The following PAX8 variants were observed in gnomAD, a reference collection of about 807,000 sequenced individuals.
PAX8 encodes the protein paired box 8.
PAX8 carries 15 observed loss-of-function variants against 52.4 expected under a neutral mutation model. The ratio of observed to expected loss-of-function variants is 0.29; its 90% confidence interval spans 0.19 to 0.44. The LOEUF (loss-of-function observed/expected upper bound fraction) is 0.44, where lower values mean the gene tolerates loss of function less well. Ranked by LOEUF, PAX8 falls within the 20% of genes least tolerant of loss-of-function variation. The probability of loss-of-function intolerance (pLI) is 1.00; values close to 1 mark genes in which losing one functional copy is unlikely to be tolerated. For synonymous variants in PAX8, 284 were observed against 249.7 expected (o/e 1.14, Z -1.29); for missense variants, 554 against 602.5 (o/e 0.92, Z 0.84).
chr2:113,218,589 A>G lies in PAX8; in HGVS notation c.1297T>C (p.Ser433Pro). The G allele has an allele frequency of 6.4e-7, 1 of 1,558,630 alleles. No individual in the cohort carries two copies. Among genetic ancestry groups the G allele is most frequent in the African/African-American group, 1.4e-5 (1 of 73,406 alleles). The part of the protein sequence containing the change: ...SLLSSPYYYS[S>P]TSRPSAPPTT... ...GGCGGTGCACTCGGCCTTGATGTGGAACTGTAATAATATGGGGAACCTGGA... is the reference window on the plus strand; with the variant it reads ...GGCGGTGCACTCGGCCTTGATGTGGGACTGTAATAATATGGGGAACCTGGA... The change falls in exon 12 of 12, where the codon TCC (serine) becomes CCC (proline). Residue 433 changes from serine (S) to proline (P), a missense_variant. Around this residue, in one of 2 missense-constraint regions of PAX8, gnomAD observed 445 missense variants for 409.9 expected, o/e 1.09. Transcript: ENST00000429538.
At position 113,231,798 on chromosome 2, in the gene PAX8, G is replaced by A. The variant is rs75476807; in HGVS notation, c.1087+3596C>T. 3.9e-5 allele frequency among the ~76,000 whole-genome samples: 6 copies of A among 152,174 alleles called. No homozygotes were observed. In the South Asian group the frequency reaches 1.2e-3, roughly 32 times the overall value. ...GGCTGGAGTGCAATGGCACGATCTC[G>A]GCTCACCGCAACCTCCGCCTCCTGG... On this transcript the variant is annotated intron_variant, in intron 9 of 11. Transcript: ENST00000429538.
chr2:113,272,887 G>A (rs1693558660), intron 2 of PAX8: 1 of 152,186 alleles, frequency 6.6e-6, no homozygotes, highest in Non-Finnish European at 1.5e-5. Flanking sequence ...TCTCTGAAGA[G>A]AATGAGGACC....
At chr2:113,263,958 G>T (rs1035176895) in intron 2 of PAX8, among the ~76,000 whole-genome samples, 4 of 152,046 alleles carry the variant, frequency 2.6e-5, no homozygotes, top group Admixed American at 1.3e-4. Context: ...AAGGAAGAAG[G>T]AGAGGAAAAA....
At chr2:113,226,278 G>C (rs1279486723) in intron 10 of PAX8, 1 of 985,338 alleles carries the variant, frequency 1.0e-6, no homozygotes, top group Non-Finnish European at 1.2e-6. Flanking sequence ...GGGCTGGCAT[G>C]GGGGTCACAG....
chr2:113,247,847 C>G (rs991825442), intron 2 of PAX8, among the ~76,000 whole-genome samples: 4 of 152,222 alleles, frequency 2.6e-5, no homozygotes, highest in African/African-American at 9.6e-5. Context: ...GGGTTTATTA[C>G]AGTGAGGTCC....
chr2:113,264,960 A>G (rs1692949442), intron 2 of PAX8, among the ~76,000 whole-genome samples: 1 of 152,224 alleles, frequency 6.6e-6, no homozygotes, highest in Non-Finnish European at 1.5e-5. Context: ...GAAATAGGCC[A>G]CGGAGGTAGG....
intron 2 of PAX8, among the ~76,000 whole-genome samples, chr2:113,261,379 CAG>C (rs1389406541): frequency 1.3e-5 from 2 of 152,162 alleles, no homozygotes; most frequent in Non-Finnish European, 2.9e-5. Flanking sequence ...GAAGCTGGTA[CAG>C]AGAGAGCTCT....
At chr2:113,238,667 C>A (rs1209235141) in intron 7 of PAX8, 1 of 152,184 alleles carries the variant, frequency 6.6e-6, no homozygotes, top group East Asian at 1.9e-4. Context: ...CGACTCTGAG[C>A]CCTGGTTCTG....
chr2:113,245,819 A>G (rs1691275062), intron 3 of PAX8, among the ~76,000 whole-genome samples: 1 of 152,172 alleles, frequency 6.6e-6, no homozygotes, highest in Admixed American at 6.5e-5. Flanking sequence ...TCCCTAGCCC[A>G]GCAAAGGATC....
At chr2:113,267,906 A>G (rs903671909) in intron 2 of PAX8, 1 of 152,206 alleles carries the variant, frequency 6.6e-6, no homozygotes, top group African/African-American at 2.4e-5. Flanking sequence ...GTAACTGGGT[A>G]TGACTGTGTG....
intron 2 of PAX8, among the ~76,000 whole-genome samples, chr2:113,257,169 C>T (rs1692323372): frequency 6.6e-6 from 1 of 152,168 alleles, no homozygotes; most frequent in Admixed American, 6.5e-5. Context: ...ATTGATTTCT[C>T]TTCTCTCTCT....
At chr2:113,236,846 T>C in intron 7 of PAX8, 125 bp from the exon 8 acceptor site, 1 of 1,083,304 alleles carries the variant, frequency 9.2e-7, no homozygotes. Context: ...CATCGCCCCC[T>C]TCTTCCTTTA....
chr2:113,252,912 G>C (rs556032003), intron 2 of PAX8, among the ~76,000 whole-genome samples: 203 of 152,286 alleles, frequency 1.3e-3, no homozygotes, highest in Non-Finnish European at 2.5e-3. Flanking sequence ...TTCTTCCCTT[G>C]ACCATGATAC....
chr2:113,260,126 C>T (rs940294195), intron 2 of PAX8, among the ~76,000 whole-genome samples: 2 of 152,118 alleles, frequency 1.3e-5, no homozygotes. Flanking sequence ...ATATTCCAGG[C>T]TGTGTGTATG....
intron 2 of PAX8, among the ~76,000 whole-genome samples, chr2:113,263,849 C>A (rs2104574802): frequency 6.6e-6 from 1 of 152,128 alleles, no homozygotes; most frequent in South Asian, 2.1e-4. Context: ...GATTCCAGGG[C>A]TCCATATTTG....
At chr2:113,270,661 G>C (rs867697363) in intron 2 of PAX8, 1 of 152,160 alleles carries the variant, frequency 6.6e-6, no homozygotes, top group Non-Finnish European at 1.5e-5. Flanking sequence ...AGTACACACC[G>C]ATGACAGCAG....
intron 2 of PAX8, among the ~76,000 whole-genome samples, chr2:113,247,780 G>C (rs752696447): frequency 1.3e-5 from 2 of 152,234 alleles, no homozygotes; most frequent in South Asian, 4.1e-4. Flanking sequence ...GCACTGCACA[G>C]GTCCCTGATG....
At chr2:113,229,598 C>T (rs889161913) in intron 9 of PAX8, among the ~76,000 whole-genome samples, 1 of 152,166 alleles carries the variant, frequency 6.6e-6, no homozygotes, top group Non-Finnish European at 1.5e-5. Context: ...GTTTACCTGA[C>T]ACAAGGTCAT....
intron 2 of PAX8, chr2:113,265,668 G>A (rs1259068184): frequency 2.0e-5 from 3 of 152,126 alleles, no homozygotes; most frequent in African/African-American, 4.8e-5. Flanking sequence ...CTGTGATTAT[G>A]GTGAAAGTTC....
Sources: gnomAD v4.1 joint callset for allele counts (sites outside exome capture counted in the v4.1 genomes callset) on GRCh38, gnomAD v4.1.1 for gene constraint, gnomAD v4.1.1 regional missense constraint, MANE v1.5 for transcripts, NCBI Gene and HGNC (gene_info 2026-07-23, HGNC 2026-07-21) for gene names.